GRID2: variants seen among roughly 807,000 people sequenced by gnomAD.
GRID2 encodes the protein glutamate receptor ionotropic, delta-2.
Under a neutral mutation model 114.8 loss-of-function variants are expected in GRID2, and 33 were observed. That is an observed-to-expected ratio of 0.29 (90% CI 0.22 to 0.38). The LOEUF (loss-of-function observed/expected upper bound fraction) is 0.38, where lower values mean the gene tolerates loss of function less well. Among genes scored for constraint, GRID2 ranks in the 10% least tolerant of loss-of-function variants. GRID2 has a pLI of 1.00. For synonymous variants in GRID2, 505 were observed against 449.9 expected (o/e 1.12, Z -1.55); for missense variants, 1,184 against 1,257.7 (o/e 0.94, Z 0.89).
At chr4:93,087,516 A>G (rs1478109013) in intron 3 of GRID2, among the ~76,000 whole-genome samples, 1 of 152,154 alleles carries the variant, frequency 6.6e-6, no homozygotes, top group Non-Finnish European at 1.5e-5. Context: ...AATATATACT[A>G]AATAAATATA....
At chr4:92,630,776 A>T (rs1173882845) in intron 2 of GRID2, among the ~76,000 whole-genome samples, 1 of 152,100 alleles carries the variant, frequency 6.6e-6, no homozygotes, top group African/African-American at 2.4e-5. Flanking sequence ...GTAGGAAGAA[A>T]ATACATTACG....
chr4:93,366,297 C>G (rs559497461), intron 8 of GRID2, among the ~76,000 whole-genome samples: 1 of 152,012 alleles, frequency 6.6e-6, no homozygotes, highest in Non-Finnish European at 1.5e-5. Flanking sequence ...AAAGAGAATG[C>G]GCACCTGGGG....
rs550293157 is a variant in GRID2, at chr4:92,924,305, C to T, written c.245-160690C>T. Among the ~76,000 whole-genome samples the T allele has an allele frequency of 1.7e-3, 264 of 151,536 alleles. 1 individual carries two copies. The highest frequency in any genetic ancestry group is 1.7e-3 in the East Asian group (9 of 5,160). ...AGGAGAAATAGCTAATGTTAAATGA[C>T]GAGTTAATGGGTTCAGCACACCAGC... On this transcript the variant is annotated intron_variant, in intron 2 of 15. Transcript: ENST00000282020.
At chr4:93,200,012 G>A (rs1741903088) in intron 4 of GRID2, among the ~76,000 whole-genome samples, 1 of 151,982 alleles carries the variant, frequency 6.6e-6, no homozygotes, top group Admixed American at 6.6e-5. Flanking sequence ...GCATTTTTTT[G>A]GTTGGTGTTT....
chr4:93,393,521 A>G (rs1765049927), intron 8 of GRID2, among the ~76,000 whole-genome samples: 1 of 151,976 alleles, frequency 6.6e-6, no homozygotes, highest in African/African-American at 2.4e-5. Flanking sequence ...AGGTTAGAAG[A>G]TTAGATATAT....
chr4:93,068,510 T>G (rs1728513916), intron 2 of GRID2, among the ~76,000 whole-genome samples: 1 of 152,086 alleles, frequency 6.6e-6, no homozygotes. Context: ...GGATATCACT[T>G]GTGAAAAGAG....
At chr4:92,991,374 T>A (rs1457957032) in intron 2 of GRID2, among the ~76,000 whole-genome samples, 4 of 152,212 alleles carry the variant, frequency 2.6e-5, no homozygotes, top group African/African-American at 9.6e-5. Flanking sequence ...TAAAGCATAG[T>A]AAGCTATCAA....
At chr4:93,124,881 T>G (rs1019786745) in intron 4 of GRID2, among the ~76,000 whole-genome samples, 12 of 152,264 alleles carry the variant, frequency 7.9e-5, no homozygotes, top group Admixed American at 7.2e-4. Context: ...GTTAAAAAAT[T>G]AAACTTATAT....
rs532367571 is a variant in GRID2, at chr4:93,153,681, G to C, written c.735+42728G>C. Among the ~76,000 whole-genome samples the C allele has an allele frequency of 3.9e-5, 6 of 152,204 alleles. No homozygotes were observed. In the East Asian group the frequency reaches 1.2e-3, roughly 30 times the overall value. ...AGGTGGTAGTGTCCCAGTTTAGAAG[G>C]AAAGTGAATTACTGACTCAATGCAT... On this transcript the variant is annotated intron_variant, in intron 4 of 15. Coordinates refer to ENST00000282020, the MANE Select transcript of GRID2 (RefSeq NM_001510.4).
intron 1 of GRID2, among the ~76,000 whole-genome samples, chr4:92,416,559 C>A (rs1180354138): frequency 6.6e-6 from 1 of 152,058 alleles, no homozygotes. Flanking sequence ...AGTTTGTGAT[C>A]CATATTGAGT....
chr4:93,283,294 T>G (rs1017497671), intron 8 of GRID2, among the ~76,000 whole-genome samples: 1 of 152,060 alleles, frequency 6.6e-6, no homozygotes, highest in Admixed American at 6.6e-5. Flanking sequence ...CCACAGCCAC[T>G]GATGTCAATT....
chr4:93,663,735 T>C (rs1472575043), intron 14 of GRID2, among the ~76,000 whole-genome samples: 1 of 152,184 alleles, frequency 6.6e-6, no homozygotes, highest in Non-Finnish European at 1.5e-5. Context: ...CTTCCAGTTT[T>C]TCTGATTCCT....
At chr4:93,307,883 T>G (rs1475899869) in intron 8 of GRID2, among the ~76,000 whole-genome samples, 1 of 151,942 alleles carries the variant, frequency 6.6e-6, no homozygotes, top group Non-Finnish European at 1.5e-5. Flanking sequence ...ATTTTTAATT[T>G]TTTCGAGATA....
chr4:92,742,966 T>C (rs1736967065), intron 2 of GRID2, among the ~76,000 whole-genome samples: 1 of 152,168 alleles, frequency 6.6e-6, no homozygotes, highest in Non-Finnish European at 1.5e-5. Flanking sequence ...AGACTAGTCT[T>C]ATATGTATTT....
rs539357515 is a variant in GRID2, at chr4:93,117,445, GT to G, written c.735+6498del. 2.3e-3 allele frequency among the ~76,000 whole-genome samples: 344 copies of G among 151,854 alleles called. 1 individual carries two copies. The highest frequency in any genetic ancestry group is 7.9e-3 in the African/African-American group (326 of 41,412). ...TCAGTCTGCTTTATTAACTGATTTT[GT>G]TTTTTGCAAATTCACCTATTCATTA... On this transcript the variant is annotated intron_variant, in intron 4 of 15. Transcript: ENST00000282020.
intron 13 of GRID2, among the ~76,000 whole-genome samples, chr4:93,557,465 AC>A (rs774505756): frequency 1.2e-4 from 19 of 152,196 alleles, no homozygotes; most frequent in Non-Finnish European, 2.6e-4. Flanking sequence ...GAGACTTTAA[AC>A]CAACAAAGAT....
chr4:93,692,245 C>A (rs943043592), intron 14 of GRID2, among the ~76,000 whole-genome samples: 1 of 151,968 alleles, frequency 6.6e-6, no homozygotes, highest in African/African-American at 2.4e-5. Context: ...GAAAAGAAGG[C>A]CTTACTGATA....
intron 2 of GRID2, among the ~76,000 whole-genome samples, chr4:92,787,834 G>A (rs1379710910): frequency 2.6e-5 from 4 of 151,802 alleles, no homozygotes; most frequent in Non-Finnish European, 4.4e-5. Context: ...ATAGAAGACC[G>A]ATGACATGTG....
At chr4:92,928,308 A>G (rs1320288121) in intron 2 of GRID2, among the ~76,000 whole-genome samples, 7 of 151,764 alleles carry the variant, frequency 4.6e-5, no homozygotes, top group Non-Finnish European at 1.0e-4. Context: ...ATCCAGTAAT[A>G]TAATTTTCAT....
Sources: gnomAD v4.1 joint callset for allele counts (sites outside exome capture counted in the v4.1 genomes callset) on GRCh38, gnomAD v4.1.1 for gene constraint, MANE v1.5 for transcripts, NCBI Gene and HGNC (gene_info 2026-07-23, HGNC 2026-07-21) for gene names.